Variants in IRF8 observed in about 807,000 individuals in gnomAD.
IRF8 encodes the protein interferon consensus sequence binding protein 1.
A neutral mutation model predicts 48.7 loss-of-function variants in IRF8; 14 were observed. That is an observed-to-expected ratio of 0.29 (90% CI 0.19 to 0.45). The LOEUF (loss-of-function observed/expected upper bound fraction) is 0.45. IRF8 is among the 20% of genes least tolerant of loss of function. IRF8 has a pLI of 1.00. For synonymous variants in IRF8, 278 were observed against 227.3 expected, an observed-to-expected ratio of 1.22 and a Z score of -2.01; for missense variants, 493 against 580.7, an observed-to-expected ratio of 0.85 and a Z score of 1.55.
chr16:85,901,501 C>G (rs1475217594), intron 1 of IRF8, among the ~76,000 whole-genome samples: 1 of 152,046 alleles, frequency 6.6e-6, no homozygotes, highest in African/African-American at 2.4e-5. Context: ...GTCTGTAGTT[C>G]CAGGTACTCA....
intron 2 of IRF8, among the ~76,000 whole-genome samples, chr16:85,906,750 A>G (rs1389194201): frequency 6.6e-6 from 1 of 152,176 alleles, no homozygotes; most frequent in Non-Finnish European, 1.5e-5. Flanking sequence ...GGGAGGTATC[A>G]TGATTTACCC....
chr16:85,910,566 C>T (rs1237618877), intron 3 of IRF8, among the ~76,000 whole-genome samples: 2 of 152,272 alleles, frequency 1.3e-5, no homozygotes, highest in East Asian at 3.9e-4. Flanking sequence ...CCCCCAAGAT[C>T]AGTCAGGCTT....
At chr16:85,913,381 G>C in intron 5 of IRF8, 145 bp downstream of exon 5, 1 of 680,232 alleles carries the variant, frequency 1.5e-6, no homozygotes, top group East Asian at 2.7e-5. Context: ...GGTGAAGAAC[G>C]ATGGCCCTGG....
intron 6 of IRF8, 96 bp from the exon 7 acceptor site, chr16:85,918,321 G>A: frequency 7.1e-7 from 1 of 1,401,848 alleles, no homozygotes; most frequent in Non-Finnish European, 9.6e-7. Context: ...CACACAAAGA[G>A]TTACCCGTGT....
intron 1 of IRF8, among the ~76,000 whole-genome samples, chr16:85,899,639 C>T (rs1283933947): frequency 6.6e-6 from 1 of 152,092 alleles, no homozygotes; most frequent in East Asian, 1.9e-4. Context: ...AATAACCAGT[C>T]GTTACTGAGG....
intron 8 of IRF8, among the ~76,000 whole-genome samples, chr16:85,920,500 AG>A (rs1905516925): frequency 6.6e-6 from 1 of 152,062 alleles, no homozygotes; most frequent in Non-Finnish European, 1.5e-5. Context: ...GGCCTCCCAA[AG>A]TACTGGGATT....
intron 6 of IRF8, among the ~76,000 whole-genome samples, chr16:85,916,532 T>G (rs1404322588): frequency 2.0e-5 from 3 of 152,200 alleles, no homozygotes; most frequent in African/African-American, 4.8e-5. Flanking sequence ...AGCTGGAACC[T>G]TCTCTTAGCA....
rs751750587 is a variant in IRF8 at position 85,914,538 on chromosome 16, C to T, written c.601+18C>T. On this transcript the variant is annotated intron_variant, in intron 6 of 8. Transcript: ENST00000268638. ...CCATTCAGGTACGGGGTGGTCCGGG[C>T]TGAGAGGGGCGTGGGCACTGTTTGA... 1 of 1,613,762 alleles carries T rather than the reference C, an allele frequency of 6.2e-7. No homozygotes were observed. Among genetic ancestry groups the T allele is most frequent in the African/African-American group, 1.3e-5 (1 of 74,896 alleles).
chr16:85,915,939 T>G (rs919332149), intron 6 of IRF8, among the ~76,000 whole-genome samples: 1 of 151,860 alleles, frequency 6.6e-6, no homozygotes, highest in Non-Finnish European at 1.5e-5. Context: ...CCCACCTCTA[T>G]GTAAATCCAT....
intron 1 of IRF8, among the ~76,000 whole-genome samples, chr16:85,901,475 G>T (rs542652249): frequency 1.4e-4 from 21 of 152,084 alleles, no homozygotes; most frequent in Non-Finnish European, 2.4e-4. Context: ...ATGTATATCT[G>T]GGTGTGGTGG....
rs762476017 is a variant in IRF8, at chr16:85,914,458, C to A, written c.554-15C>A. 1.9e-6 allele frequency: 3 copies of A among 1,614,028 alleles called. No individual in the cohort carries two copies. The African/African-American group carries it at 4.0e-5, about 22-fold the overall frequency. On this transcript the variant is annotated splice_polypyrimidine_tract_variant and intron_variant, in intron 5 of 8. Transcript: ENST00000268638. ...CCTGGGTGGCTCTGAGCTTGCTTTT[C>A]TGTTTCTCCTGCAGGCGTGCCGCTG...
chr16:85,914,425 ACAC>A, intron 5 of IRF8, 45 bp from the exon 6 acceptor site: 2 of 1,613,006 alleles, frequency 1.2e-6, no homozygotes, highest in African/African-American at 1.3e-5. Flanking sequence ...TACTCCCTGT[ACAC>A]CACACCTGGG....
chr16:85,918,210 A>T (rs1338690192), intron 6 of IRF8: 3 of 588,676 alleles, frequency 5.1e-6, no homozygotes, highest in African/African-American at 1.9e-5. Flanking sequence ...ATGTTCAGTC[A>T]TTGGTTTCCT....
At position 85,903,083 on chromosome 16, in the gene IRF8, A is replaced by G. The variant is rs370086181; in HGVS notation, c.68A>G (p.Tyr23Cys). 9 of 1,614,104 alleles carry G rather than the reference A, an allele frequency of 5.6e-6. No individual in the cohort carries two copies. The highest frequency in any genetic ancestry group is 7.6e-6 in the Non-Finnish European group (9 of 1,180,040). ...WLIEQIDSSM[Y>C]PGLIWENEEK... ...ATCGAGCAGATTGACAGTAGCATGTATCCAGGACTGATTTGGGAGAATGAG... is the reference window on the plus strand; with the variant it reads ...ATCGAGCAGATTGACAGTAGCATGTGTCCAGGACTGATTTGGGAGAATGAG... The change falls in exon 2 of 9, where the codon TAT (tyrosine) becomes TGT (cysteine). Residue 23 changes from tyrosine to cysteine, a missense_variant. Around this residue, in one of 3 missense-constraint regions of IRF8, gnomAD observed 54 missense variants for 59.9 expected, o/e 0.90. Coordinates refer to ENST00000268638, the MANE Select transcript of IRF8 (RefSeq NM_002163.4).
intron 6 of IRF8, among the ~76,000 whole-genome samples, chr16:85,917,625 A>T (rs998196535): frequency 2.0e-5 from 3 of 152,248 alleles, no homozygotes; most frequent in Non-Finnish European, 4.4e-5. Flanking sequence ...ACCTCTGACA[A>T]TGCCCTGAAT....
At chr16:85,901,369 G>A (rs1229560378) in intron 1 of IRF8, 1 of 152,152 alleles carries the variant, frequency 6.6e-6, no homozygotes, top group African/African-American at 2.4e-5. Context: ...GCTCACACCT[G>A]TAATCACAGC....
At position 85,911,579 on chromosome 16, in the gene IRF8, G is replaced by A; in HGVS notation, c.368G>A (p.Gly123Asp). Residue 123 changes from glycine to aspartate, a missense_variant, in exon 4 of 9, where the codon GGC (glycine) becomes GAC (aspartate). Around this residue, in one of 3 missense-constraint regions of IRF8, gnomAD observed 408 missense variants for 449.6 expected, o/e 0.91. Transcript: ENST00000268638. ...GTCTGGTTTTCTGTAGGCAAACTAG[G>A]CGTGGCAACTGCTGGCTGCGTGAAT... ...VPEEEQKCKLGVATAGCVNEV... is the reference protein window; with the variant it reads ...VPEEEQKCKLDVATAGCVNEV... The A allele has an allele frequency of 1.2e-6, 2 of 1,614,062 alleles. No homozygotes were observed. Among genetic ancestry groups the A allele is most frequent in the Non-Finnish European group, 1.7e-6 (2 of 1,179,912 alleles).
Position 85,921,344 on chromosome 16 carries a change from C to G in IRF8, c.*62C>G, listed in dbSNP as rs1905560457. 1 of 1,535,574 alleles carries G rather than the reference C, an allele frequency of 6.5e-7. No individual in the cohort carries two copies. Among genetic ancestry groups the G allele is most frequent in the African/African-American group, 1.4e-5 (1 of 73,402 alleles). On this transcript the variant is annotated 3_prime_UTR_variant, in exon 9 of 9. Coordinates refer to ENST00000268638, the MANE Select transcript of IRF8 (RefSeq NM_002163.4). ...GCATCCATCTCCCTGTTACAGTGGCCCGCATCATGATTAAAGAATGTGGAT... is the reference window on the plus strand; with the variant it reads ...GCATCCATCTCCCTGTTACAGTGGCGCGCATCATGATTAAAGAATGTGGAT...
At chr16:85,914,683 G>T (rs1330974912) in intron 6 of IRF8, among the ~76,000 whole-genome samples, 163 bp downstream of exon 6, 2 of 151,752 alleles carry the variant, frequency 1.3e-5, no homozygotes, top group Non-Finnish European at 2.9e-5. Context: ...TCTAGGCTCC[G>T]TTCCGAGGAT....
Sources: gnomAD v4.1 joint callset for allele counts (sites outside exome capture counted in the v4.1 genomes callset) on GRCh38, gnomAD v4.1.1 for gene constraint, gnomAD v4.1.1 regional missense constraint, MANE v1.5 for transcripts, NCBI Gene and HGNC (gene_info 2026-07-23, HGNC 2026-07-21) for gene names.